Variants in SHTN1 observed in about 807,000 individuals in gnomAD.
The protein encoded by SHTN1 is shootin 1, also known as shootin-1.
Under a neutral mutation model 83.1 loss-of-function variants are expected in SHTN1, and 42 were observed. That is an observed-to-expected ratio of 0.51 (90% CI 0.39 to 0.65). SHTN1 has a LOEUF of 0.65. Among genes scored for constraint, SHTN1 ranks in the 30% least tolerant of loss-of-function variants. The probability of loss-of-function intolerance (pLI) is 0.00; values close to 1 mark genes in which losing one functional copy is unlikely to be tolerated. For synonymous variants in SHTN1, 224 were observed against 247.7 expected, an observed-to-expected ratio of 0.90 and a Z score of 0.90; for missense variants, 622 against 737.8, an observed-to-expected ratio of 0.84 and a Z score of 1.82.
chr10:117,023,679 CA>C (rs1852292943), intron 2 of SHTN1: 1 of 152,608 alleles, frequency 6.6e-6, no homozygotes, highest in Non-Finnish European at 1.5e-5. Context: ...ACATTCTGGC[CA>C]CAAAATTAGA....
chr10:117,029,416 A>T (rs1852374917), intron 2 of SHTN1, among the ~76,000 whole-genome samples: 1 of 152,138 alleles, frequency 6.6e-6, no homozygotes, highest in Non-Finnish European at 1.5e-5. Context: ...GATTGTTGAG[A>T]AGGCATGATG....
chr10:116,983,680 ATAG>A (rs1564913677), intron 1 of SHTN1, among the ~76,000 whole-genome samples: 90 of 50,804 alleles, frequency 1.8e-3, no homozygotes, highest in African/African-American at 4.4e-3. Context: ...AGATAGATAG[ATAG>A]ATAAATACAT....
intron 12 of SHTN1, among the ~76,000 whole-genome samples, chr10:116,921,131 C>G (rs1450812032): frequency 6.6e-6 from 1 of 152,174 alleles, no homozygotes; most frequent in Non-Finnish European, 1.5e-5. Flanking sequence ...TCTAAGAAGT[C>G]TTGCCCCAAA....
intron 15 of SHTN1, among the ~76,000 whole-genome samples, chr10:116,906,394 G>C (rs1229256762): frequency 6.6e-6 from 1 of 152,114 alleles, no homozygotes; most frequent in Non-Finnish European, 1.5e-5. Flanking sequence ...AAACAAATCA[G>C]ATCTATAAAT....
At chr10:117,081,985 A>G (rs1182114746) in intron 1 of SHTN1, among the ~76,000 whole-genome samples, 1 of 142,262 alleles carries the variant, frequency 7.0e-6, no homozygotes, top group Admixed American at 7.2e-5. Context: ...TCAAAAAACC[A>G]GCTCCTGGAT....
In SHTN1 at chr10:117,109,553, CTTTTTTT is replaced by C. The variant is rs374713015; in HGVS notation, c.-189+16747_-189+16753del. Among the ~76,000 whole-genome samples the C allele has an allele frequency of 9.3e-4, 40 of 42,952 alleles. 1 individual carries two copies. Among genetic ancestry groups the C allele is most frequent in the African/African-American group, 3.3e-3 (30 of 9,072 alleles). The allele number at this position is 42,952 out of a possible 152,430, so 28.2% of individuals were successfully genotyped here. A position where few individuals can be genotyped will look rare whatever the true frequency, so the allele number is the denominator to read the frequency against. The stretch of plus-strand genomic sequence containing the variant: ...TTTCCAAAGGCATTAACATATATTA[CTTTTTTT>C]TTTTTTTTTTTTTTTTTTTTTTGAG... On this transcript the variant is annotated intron_variant, in intron 1 of 17. Coordinates refer to the SHTN1 transcript ENST00000392901.
chr10:117,120,498 T>C (rs1381251628), intron 1 of SHTN1, among the ~76,000 whole-genome samples: 2 of 152,212 alleles, frequency 1.3e-5, no homozygotes, highest in African/African-American at 4.8e-5. Context: ...TCCGCCTCCC[T>C]TGGCCTCCCA....
chr10:116,964,168 G>A (rs141776108), intron 3 of SHTN1, among the ~76,000 whole-genome samples: 7 of 152,262 alleles, frequency 4.6e-5, no homozygotes, highest in East Asian at 1.9e-4. Context: ...GTTCTCTGTA[G>A]TATAGAATTG....
intron 2 of SHTN1, among the ~76,000 whole-genome samples, chr10:117,038,740 T>A (rs1852539095): frequency 6.6e-6 from 1 of 152,024 alleles, no homozygotes; most frequent in South Asian, 2.1e-4. Context: ...GAAAAGAAGA[T>A]CTACATCAAA....
chr10:117,056,164 C>T (rs777601071), intron 1 of SHTN1, among the ~76,000 whole-genome samples: 1 of 152,122 alleles, frequency 6.6e-6, no homozygotes, highest in Non-Finnish European at 1.5e-5. Flanking sequence ...ACAAATTTTA[C>T]ACAATATTTT....
chr10:116,890,390 G>C (rs999490797), intron 16 of SHTN1, among the ~76,000 whole-genome samples: 2 of 152,196 alleles, frequency 1.3e-5, no homozygotes, highest in African/African-American at 4.8e-5. Flanking sequence ...TCAGTTGTCA[G>C]ATGAAGTGTC....
At chr10:117,009,665 G>C (rs182139882), upstream of SHTN1, among the ~76,000 whole-genome samples, 609 of 152,218 alleles carry the variant, frequency 4.0e-3, 5 homozygotes, top group African/African-American at 0.014. Flanking sequence ...AGCACTTTGG[G>C]AGGCCGAGAC....
chr10:117,083,055 T>G (rs1332976086), intron 1 of SHTN1, among the ~76,000 whole-genome samples: 1 of 151,626 alleles, frequency 6.6e-6, no homozygotes, highest in Non-Finnish European at 1.5e-5. Flanking sequence ...AATAGTGTTA[T>G]GTGTGAATTT....
Position 116,987,702 on chromosome 10 carries a change from G to A in SHTN1, c.59-8394C>T, listed in dbSNP as rs147546183. Among the ~76,000 whole-genome samples, 831 of 152,144 alleles carry A rather than the reference G, an allele frequency of 5.5e-3. 6 individuals carry two copies. The highest frequency in any genetic ancestry group is 0.018 in the African/African-American group (767 of 41,478). On this transcript the variant is annotated intron_variant, in intron 1 of 16. Transcript: ENST00000355371. ...GAGGCCTTGGTGGGCGGATCACAAG[G>A]TCAGGAGATCGAGACCATCATGGCC...
chr10:116,945,133 T>C lies in SHTN1; in HGVS notation c.617-115A>G, dbSNP rs548177890. The C allele has an allele frequency of 1.0e-4, 71 of 690,354 alleles. No homozygotes were observed. In the African/African-American group the frequency reaches 1.2e-3, roughly 12 times the overall value. 42.8% of individuals were successfully genotyped at this position (690,354 alleles called of 1,614,324 possible). ...TCATACCAGCATACAGGTACCCTCA[T>C]GCATTCCTGGTTGGCATACAAACTG... On this transcript the variant is annotated intron_variant, in intron 7 of 16. Coordinates refer to ENST00000355371, the MANE Select transcript of SHTN1 (RefSeq NM_001127211.3).
chr10:117,000,101 C>T (rs1851772248), intron 1 of SHTN1, among the ~76,000 whole-genome samples: 1 of 152,150 alleles, frequency 6.6e-6, no homozygotes, highest in South Asian at 2.1e-4. Context: ...GATTCAGATG[C>T]AGCTGGCCCT....
At chr10:116,994,468 TAA>T (rs969903241) in intron 1 of SHTN1, among the ~76,000 whole-genome samples, 3 of 151,946 alleles carry the variant, frequency 2.0e-5, no homozygotes, top group African/African-American at 7.2e-5. Flanking sequence ...CAAGAGAAAA[TAA>T]AAGATTTTTG....
At position 116,936,392 on chromosome 10, in the gene SHTN1, G is replaced by T. The variant is rs367664087; in HGVS notation, c.858+4074C>A. On this transcript the variant is annotated intron_variant, in intron 9 of 16. Coordinates refer to ENST00000355371, the MANE Select transcript of SHTN1 (RefSeq NM_001127211.3). ...TATCTCTGTTCTCATTGGTTTCAAA[G>T]AACTTATTTATTTCTGCCTTAATTT... 3.5e-4 allele frequency among the ~76,000 whole-genome samples: 53 copies of T among 152,302 alleles called. No individual in the cohort carries two copies. In the East Asian group the frequency reaches 7.1e-3, roughly 21 times the overall value.
At chr10:116,953,985 G>A (rs942868661) in intron 5 of SHTN1, 57 bp downstream of exon 5, 1 of 1,406,274 alleles carries the variant, frequency 7.1e-7, no homozygotes, top group Admixed American at 2.0e-5. Flanking sequence ...TCAGGGTTCA[G>A]AAGCACTATC....
Sources: allele counts gnomAD v4.1 joint callset (sites outside exome capture counted in the v4.1 genomes callset), GRCh38; gene constraint gnomAD v4.1.1; transcripts MANE v1.5; gene names NCBI Gene and HGNC (gene_info 2026-07-23, HGNC 2026-07-21).